DNMT3B: variants seen among roughly 807,000 people sequenced by gnomAD.
DNMT3B encodes the protein DNA methyltransferase 3 beta, also known as DNA (cytosine-5)-methyltransferase 3B.
In DNMT3B, 37 loss-of-function variants were observed where a neutral mutation model predicts 120.2. The observed-to-expected ratio is 0.31, with a 90% CI of 0.24 to 0.40. The LOEUF (loss-of-function observed/expected upper bound fraction) is 0.40. Ranked by LOEUF, DNMT3B falls within the 10% of genes least tolerant of loss-of-function variation. The pLI, the probability that DNMT3B is intolerant of heterozygous loss-of-function variation, is 1.00. For synonymous variants in DNMT3B, 412 were observed against 442.8 expected, an observed-to-expected ratio of 0.93 and a Z score of 0.87; for missense variants, 878 against 1,137.3, an observed-to-expected ratio of 0.77 and a Z score of 3.28.
chr20:32,788,953 C>T lies in DNMT3B; in HGVS notation c.754C>T (p.Arg252Ter). ...MVVSWKATSK[R>*]QAMSGMRWVQ... ...GGTGTCTTGGAAGGCCACCTCCAAG[C>T]GACAGGCTATGTCTGGCATGCGGTG... The change falls in exon 7 of 23, where the codon CGA becomes TGA. Residue 252 changes from arginine to a stop codon, truncating the protein, a stop_gained. Coordinates refer to ENST00000328111, the MANE Select transcript of DNMT3B (RefSeq NM_006892.4). LOFTEE classifies it high-confidence loss of function. The T allele has an allele frequency of 1.2e-6, 2 of 1,614,126 alleles. No homozygotes were observed. Among genetic ancestry groups the T allele is most frequent in the Non-Finnish European group, 1.7e-6 (2 of 1,180,028 alleles).
At chr20:32,777,766 C>T (rs1988138733) in intron 1 of DNMT3B, among the ~76,000 whole-genome samples, 2 of 152,298 alleles carry the variant, frequency 1.3e-5, no homozygotes, top group South Asian at 4.1e-4. Flanking sequence ...ACTGCTTTGT[C>T]TCATAGGAAC....
At chr20:32,791,751 G>GCCCACA in intron 8 of DNMT3B, 43 bp downstream of exon 8, 2 of 1,605,944 alleles carry the variant, frequency 1.2e-6, no homozygotes, top group South Asian at 2.2e-5. Flanking sequence ...CTGAGAGCAG[G>GCCCACA]GATGAAGCAA....
In DNMT3B at chr20:32,801,397, G is replaced by C; in HGVS notation, c.2116G>C (p.Asp706His). Residue 706 changes from aspartate to histidine, a missense_variant, in exon 19 of 23, where the codon GAC becomes CAC. By Grantham distance (81) the Asp-to-His change is moderately conservative. This residue lies in a region of DNMT3B where 334 missense variants were observed against 518.8 expected (regional missense o/e 0.64). Coordinates refer to ENST00000328111, the MANE Select transcript of DNMT3B (RefSeq NM_006892.4). ...FENVVAMKVG[D>H]KRDISRFLEC... ...GAATGTTGTAGCCATGAAGGTTGGC[G>C]ACAAGAGGGACATCTCACGGTTCCT... 1 of 1,614,106 alleles carries C rather than the reference G, an allele frequency of 6.2e-7. No individual in the cohort carries two copies. The highest frequency in any genetic ancestry group is 8.5e-7 in the Non-Finnish European group (1 of 1,180,024).
At chr20:32,788,762 T>C in intron 6 of DNMT3B, 92 bp from the exon 7 acceptor site, 1 of 1,538,574 alleles carries the variant, frequency 6.5e-7, no homozygotes, top group African/African-American at 1.4e-5. Context: ...TATGGCAAGC[T>C]TTTTGTTGCC....
chr20:32,791,796 G>C, intron 8 of DNMT3B, 88 bp downstream of exon 8: 1 of 1,498,744 alleles, frequency 6.7e-7, no homozygotes, highest in African/African-American at 1.4e-5. Context: ...TGTTGCCAAG[G>C]GTGGTTTGGA....
intron 1 of DNMT3B, among the ~76,000 whole-genome samples, chr20:32,770,774 G>T (rs557119825): frequency 6.6e-6 from 1 of 151,990 alleles, no homozygotes; most frequent in Admixed American, 6.6e-5. Flanking sequence ...CACCATGCCC[G>T]GCTAATTTTG....
Position 32,807,755 on chromosome 20 carries a change from C to A in DNMT3B, c.2421-7C>A. ...GACTTGCTGTCTTTTCACTCCGGTA[C>A]CCCCAGGATCTTTGGCTTTCCTGTG... On this transcript the variant is annotated splice_polypyrimidine_tract_variant and splice_region_variant and intron_variant, in intron 22 of 22. Coordinates refer to ENST00000328111, the MANE Select transcript of DNMT3B (RefSeq NM_006892.4). 1.2e-6 allele frequency: 2 copies of A among 1,613,904 alleles called. No homozygotes were observed. Among genetic ancestry groups the A allele is most frequent in the Non-Finnish European group, 1.7e-6 (2 of 1,180,004 alleles).
At chr20:32,798,345 C>T (rs935552512) in intron 14 of DNMT3B, 115 bp from the exon 15 acceptor site, 46 of 1,371,460 alleles carry the variant, frequency 3.4e-5, no homozygotes, top group Middle Eastern at 2.1e-4. Flanking sequence ...GTTAAGCAGC[C>T]GATCCTAGGT....
chr20:32,801,224 G>A (rs1416025570), intron 18 of DNMT3B, 54 bp from the exon 19 acceptor site: 2 of 1,613,336 alleles, frequency 1.2e-6, no homozygotes, highest in Middle Eastern at 1.7e-4. Context: ...GAATAAGGTG[G>A]GTTGGGCTGG....
At position 32,801,228 on chromosome 20, in the gene DNMT3B, G is replaced by A. The variant is rs760619902; in HGVS notation, c.1997-50G>A. On this transcript the variant is annotated intron_variant, in intron 18 of 22. Transcript: ENST00000328111. ...CTGGTCTCAGGGAATAAGGTGGGTT[G>A]GGCTGGAGGTTTCAAATGAACCCTG... 8.1e-6 allele frequency: 13 copies of A among 1,613,524 alleles called. No homozygotes were observed. The Admixed American group carries it at 2.2e-4, about 27-fold the overall frequency.
chr20:32,776,682 G>T (rs945871420), intron 1 of DNMT3B, among the ~76,000 whole-genome samples: 1 of 152,180 alleles, frequency 6.6e-6, no homozygotes, highest in Non-Finnish European at 1.5e-5. Flanking sequence ...GTTAAGATAA[G>T]TAAAGCCAAA....
chr20:32,791,764 G>A, intron 8 of DNMT3B, 56 bp downstream of exon 8: 2 of 1,593,832 alleles, frequency 1.3e-6, no homozygotes, highest in Non-Finnish European at 1.7e-6. Context: ...TGAAGCAAGA[G>A]ACCCACAGAA....
intron 5 of DNMT3B, 42 bp from the exon 6 acceptor site, chr20:32,787,188 A>C (rs773526389): frequency 6.2e-7 from 1 of 1,613,354 alleles, no homozygotes; most frequent in African/African-American, 1.3e-5. Flanking sequence ...GGTCACCGAC[A>C]TCCTTTGCTC....
rs776048512 is a variant in DNMT3B, at chr20:32,792,637, G to A, written c.933G>A (p.Val311=). 6.8e-6 allele frequency: 11 copies of A among 1,614,246 alleles called. No homozygotes were observed. The highest frequency in any genetic ancestry group is 9.3e-6 in the Non-Finnish European group (11 of 1,180,044). Residue 311 remains valine, a synonymous_variant, in exon 9 of 23, where the codon GTG becomes GTA. Coordinates refer to ENST00000328111, the MANE Select transcript of DNMT3B (RefSeq NM_006892.4). ...CTCTGCCTTTGCAGAAAGCTAGGGTGCGAGCTGGCAAGACCTTCCCCAGCA... is the reference window on the plus strand; with the variant it reads ...CTCTGCCTTTGCAGAAAGCTAGGGTACGAGCTGGCAAGACCTTCCCCAGCA... ...AMYHALEKAR[V]RAGKTFPSSP...
chr20:32,801,338 A>G lies in DNMT3B; in HGVS notation c.2057A>G (p.Glu686Gly), dbSNP rs1981317235. ...YHLLNYSRPK[E>G]GDDRPFFWMF... is the part of the protein sequence containing the mutation. ...CTGCTGAATTACTCACGCCCCAAGG[A>G]GGGTGATGACCGGCCGTTCTTCTGG... Residue 686 changes from glutamate to glycine, a missense_variant, in exon 19 of 23, where the codon GAG (glutamate) becomes GGG (glycine). Physicochemically the swap from Glu to Gly is moderately conservative, Grantham distance 98. Coordinates refer to ENST00000328111, the MANE Select transcript of DNMT3B (RefSeq NM_006892.4). 6.2e-7 allele frequency: 1 copy of G among 1,613,964 alleles called. No homozygotes were observed.
chr20:32,789,834 T>G (rs1406255164), intron 7 of DNMT3B, among the ~76,000 whole-genome samples: 1 of 152,182 alleles, frequency 6.6e-6, no homozygotes, highest in Non-Finnish European at 1.5e-5. Flanking sequence ...CCTCAGATGA[T>G]CCACCCGCCT....
rs1371940235 is a variant in DNMT3B at position 32,780,407 on chromosome 20, C to T, written c.84C>T (p.Ser28=). 3.7e-6 allele frequency: 6 copies of T among 1,613,784 alleles called. No individual in the cohort carries two copies. Among genetic ancestry groups the T allele is most frequent in the African/African-American group, 2.7e-5 (2 of 74,870 alleles). ...EDSILVNGAC[S]DQSSDSPPIL... ...CGATCCTCGTCAACGGGGCCTGCAG[C>T]GACCAGTCCTCCGACTCGCCCCCAA... The change falls in exon 2 of 23, where the codon AGC becomes AGT. Residue 28 remains serine, a synonymous_variant. Coordinates refer to ENST00000328111, the MANE Select transcript of DNMT3B (RefSeq NM_006892.4).
At chr20:32,798,766 G>A (rs1980968065) in intron 15 of DNMT3B, 123 bp downstream of exon 15, 2 of 1,402,740 alleles carry the variant, frequency 1.4e-6, no homozygotes, top group East Asian at 2.4e-5. Flanking sequence ...GAGCCTCAAT[G>A]GCTGAGAGAC....
intron 1 of DNMT3B, among the ~76,000 whole-genome samples, chr20:32,770,174 A>G (rs983744905): frequency 6.6e-6 from 1 of 152,162 alleles, no homozygotes; most frequent in African/African-American, 2.4e-5. Context: ...GTGCAATGGC[A>G]TGATCTCAGC....
Sources: gnomAD v4.1 joint callset for allele counts (sites outside exome capture counted in the v4.1 genomes callset) on GRCh38, gnomAD v4.1.1 for gene constraint, gnomAD v4.1.1 regional missense constraint, MANE v1.5 for transcripts, NCBI Gene and HGNC (gene_info 2026-07-23, HGNC 2026-07-21) for gene names.